The following PCYT1B variants were observed in gnomAD, a reference collection of about 807,000 sequenced individuals.
PCYT1B encodes the protein phosphate cytidylyltransferase 1B, choline, also known as choline-phosphate cytidylyltransferase B.
A neutral mutation model predicts 26.4 loss-of-function variants in PCYT1B; 10 were observed. The observed-to-expected ratio is 0.38, with a 90% CI of 0.23 to 0.64. The LOEUF is 0.64. Among genes scored for constraint, PCYT1B ranks in the 30% least tolerant of loss-of-function variants. The probability of loss-of-function intolerance (pLI) is 0.56; values close to 1 mark genes in which losing one functional copy is unlikely to be tolerated. For synonymous variants in PCYT1B, 131 were observed against 108.4 expected (o/e 1.21, Z -1.29); for missense variants, 161 against 292.7 (o/e 0.55, Z 3.28).
At chrX:24,656,062 G>C (rs1926899717) in intron 1 of PCYT1B, among the ~76,000 whole-genome samples, 1 of 96,661 alleles carries the variant, frequency 1.0e-5, no homozygotes, top group African/African-American at 3.8e-5. Context: ...ACGGGAGGCG[G>C]AGGCTGCAGT....
chrX:24,578,762 A>G (rs1924104808), intron 6 of PCYT1B, among the ~76,000 whole-genome samples: 1 of 111,430 alleles, frequency 9.0e-6, no homozygotes, highest in African/African-American at 3.3e-5. Context: ...TGCCTTTTAC[A>G]AGGGGCAGAT....
chrX:24,648,093 T>C (rs961749059), upstream of PCYT1B, among the ~76,000 whole-genome samples: 2 of 111,869 alleles, frequency 1.8e-5, no homozygotes, highest in African/African-American at 6.5e-5. Context: ...GTGGGTCCCA[T>C]TTCCGAAGTA....
At chrX:24,599,054 T>C (rs994524282) in intron 3 of PCYT1B, among the ~76,000 whole-genome samples, 1 of 112,100 alleles carries the variant, frequency 8.9e-6, no homozygotes, top group African/African-American at 3.2e-5. Context: ...TGGCTATATC[T>C]AGTTGAATAA....
chrX:24,625,602 G>A (rs752722456), intron 1 of PCYT1B, among the ~76,000 whole-genome samples: 103 of 108,179 alleles, frequency 9.5e-4, no homozygotes, highest in Non-Finnish European at 6.7e-4. Context: ...GAATGTACAT[G>A]TTATAAGTAA....
At chrX:24,579,746 C>A (rs1051628045) in intron 5 of PCYT1B, among the ~76,000 whole-genome samples, 1 of 111,561 alleles carries the variant, frequency 9.0e-6, no homozygotes, top group African/African-American at 3.3e-5. Context: ...CTGGATACCC[C>A]CTCCCTGCTC....
intron 4 of PCYT1B, among the ~76,000 whole-genome samples, chrX:24,587,739 T>C (rs950162863): frequency 1.8e-4 from 20 of 112,556 alleles, no homozygotes; most frequent in Non-Finnish European, 3.0e-4. Context: ...CATTTTATAC[T>C]GTGAAAAGGA....
At chrX:24,672,753 C>A (rs907021910), upstream of PCYT1B, 1 of 532,237 alleles carries the variant, frequency 1.9e-6, no homozygotes, top group Non-Finnish European at 3.2e-6. Context: ...CTGTGCCCAG[C>A]GCTCAAAGAT....
chrX:24,639,873 C>T (rs1485258739), intron 1 of PCYT1B, among the ~76,000 whole-genome samples: 1 of 111,165 alleles, frequency 9.0e-6, no homozygotes, highest in Non-Finnish European at 1.9e-5. Context: ...GAGACATTCC[C>T]TTCATCAGTT....
chrX:24,665,793 G>A (rs184375427), intron 1 of PCYT1B, among the ~76,000 whole-genome samples: 1 of 111,099 alleles, frequency 9.0e-6, no homozygotes, highest in Admixed American at 9.7e-5. Flanking sequence ...CCACCCTAAG[G>A]TAAGATGTAG....
Position 24,562,419 on chromosome X carries a change from C to G in PCYT1B, c.984G>C (p.Arg328=). The change falls in exon 8 of 8, where the codon CGG becomes CGC. Residue 328 remains arginine, a synonymous_variant. Transcript: ENST00000379144. ...QSPVSSPTRS[R]SPSRSPSPTF... is the part of the protein sequence containing the mutation. ...TGGGCGATGGGGAGCGGGAAGGGGACCGGCTCCGGGTTGGGCTGCTCACAG... is the reference window on the plus strand; with the variant it reads ...TGGGCGATGGGGAGCGGGAAGGGGAGCGGCTCCGGGTTGGGCTGCTCACAG... 8.4e-7 allele frequency: 1 copy of G among 1,192,611 alleles called. No homozygotes were observed. The highest frequency in any genetic ancestry group is 3.0e-5 in the East Asian group (1 of 33,634).
At chrX:24,636,715 C>T (rs1393234782) in intron 1 of PCYT1B, among the ~76,000 whole-genome samples, 2 of 112,541 alleles carry the variant, frequency 1.8e-5, no homozygotes, top group African/African-American at 3.2e-5. Context: ...AGCGTCCATC[C>T]CATGCTCCTA....
At position 24,656,551 on chromosome X, in the gene PCYT1B, C is replaced by CTTTTTTTTTTTTTTTTTTTTTTTTT. The variant is rs1179469896; in HGVS notation, c.63+16018_63+16019insAAAAAAAAAAAAAAAAAAAAAAAAA. Among the ~76,000 whole-genome samples, 2 of 56,637 alleles carry CTTTTTTTTTTTTTTTTTTTTTTTTT rather than the reference C, an allele frequency of 3.5e-5. 1 individual carries two copies. The highest frequency in any genetic ancestry group is 1.5e-4 in the African/African-American group (2 of 13,434). The allele number at this position is 56,637 out of a possible 115,157, so 49.2% of individuals were successfully genotyped here. A position where few individuals can be genotyped will look rare whatever the true frequency, so the allele number is the denominator to read the frequency against. ...CAATATTCTTTTTTTTCTTTTTTTC[C>CTTTTTTTTTTTTTTTTTTTTTTTTT]TTTTTTTTTTTTTTTTTTTTTTTGA... On this transcript the variant is annotated intron_variant, in intron 1 of 7. Transcript: ENST00000379145.
chrX:24,614,367 G>A (rs1170566001), intron 2 of PCYT1B, among the ~76,000 whole-genome samples: 1 of 111,371 alleles, frequency 9.0e-6, no homozygotes, highest in Non-Finnish European at 1.9e-5. Context: ...CATAAAATAT[G>A]GCTAGTGTAG....
chrX:24,660,110 G>C (rs1221316868), intron 1 of PCYT1B, among the ~76,000 whole-genome samples: 1 of 111,342 alleles, frequency 9.0e-6, no homozygotes, highest in African/African-American at 3.3e-5. Context: ...TTTAGCATCA[G>C]GGCTTTTAAA....
upstream of PCYT1B, chrX:24,647,450 G>T: frequency 6.7e-6 from 1 of 149,527 alleles, no homozygotes; most frequent in Non-Finnish European, 1.2e-5. Context: ...GGCCCCATTG[G>T]CTAGCCCTCC....
chrX:24,579,831 C>T (rs961426915), intron 5 of PCYT1B, among the ~76,000 whole-genome samples: 1 of 111,672 alleles, frequency 9.0e-6, no homozygotes, highest in African/African-American at 3.3e-5. Context: ...TCTTTTCTGA[C>T]GTCATCAGGT....
At chrX:24,670,689 T>C (rs1201108433) in intron 1 of PCYT1B, among the ~76,000 whole-genome samples, 2 of 112,013 alleles carry the variant, frequency 1.8e-5, no homozygotes, top group East Asian at 2.8e-4. Flanking sequence ...ATTAGCAGCA[T>C]AGGCAAATGG....
At chrX:24,602,514 C>CT (rs1364953235) in intron 3 of PCYT1B, among the ~76,000 whole-genome samples, 1 of 111,022 alleles carries the variant, frequency 9.0e-6, no homozygotes, top group Admixed American at 9.7e-5. Flanking sequence ...CTAATGTAAA[C>CT]TATGGACTTG....
At chrX:24,607,560 G>T (rs1925177505) in intron 3 of PCYT1B, among the ~76,000 whole-genome samples, 185 bp downstream of exon 3, 1 of 111,998 alleles carries the variant, frequency 8.9e-6, no homozygotes, top group South Asian at 3.7e-4. Flanking sequence ...ATCCCATGAT[G>T]TAACTTCCCC....
Sources: allele counts gnomAD v4.1 joint callset (sites outside exome capture counted in the v4.1 genomes callset), GRCh38; gene constraint gnomAD v4.1.1; transcripts MANE v1.5; gene names NCBI Gene and HGNC (gene_info 2026-07-23, HGNC 2026-07-21).